The following CBLB variants were observed in gnomAD, a reference collection of about 807,000 sequenced individuals.
The protein encoded by CBLB is Cbl proto-oncogene B, also known as E3 ubiquitin-protein ligase CBL-B.
A neutral mutation model predicts 104.9 loss-of-function variants in CBLB; 31 were observed. The observed-to-expected ratio is 0.30, with a 90% confidence interval of 0.22 to 0.40. The LOEUF (loss-of-function observed/expected upper bound fraction) is 0.40. CBLB is among the 10% of genes least tolerant of loss of function. The probability of loss-of-function intolerance (pLI) is 1.00; values close to 1 mark genes in which losing one functional copy is unlikely to be tolerated. For synonymous variants in CBLB, 440 were observed against 422.6 expected, an observed-to-expected ratio of 1.04 and a Z score of -0.51; for missense variants, 1,062 against 1,214.6, an observed-to-expected ratio of 0.87 and a Z score of 1.87.
At chr3:105,840,503 G>A (rs1560483329) in intron 3 of CBLB, among the ~76,000 whole-genome samples, 1 of 152,082 alleles carries the variant, frequency 6.6e-6, no homozygotes. Flanking sequence ...TTGTTCAAAT[G>A]AGTCCTCCCG....
At chr3:105,702,494 A>AAC (rs1553727123) in intron 11 of CBLB, 35 bp from the exon 12 acceptor site, 5 of 1,476,844 alleles carry the variant, frequency 3.4e-6, no homozygotes, top group Non-Finnish European at 4.5e-6. Flanking sequence ...AAAAAAAAAA[A>AAC]AAAAACTAAA....
intron 5 of CBLB, among the ~76,000 whole-genome samples, chr3:105,746,780 A>G (rs1560066395): frequency 6.6e-6 from 1 of 152,256 alleles, no homozygotes; most frequent in African/African-American, 2.4e-5. Context: ...AAGGTTACAC[A>G]TTAACCATAA....
At chr3:105,670,459 T>A (rs1050937629) in intron 17 of CBLB, 107 bp from the exon 18 acceptor site, 2 of 923,780 alleles carry the variant, frequency 2.2e-6, no homozygotes, top group Non-Finnish European at 3.3e-6. Flanking sequence ...CAAAAATAAA[T>A]TAGAAAATTA....
chr3:105,766,083 C>CA (rs1042940646), intron 4 of CBLB, among the ~76,000 whole-genome samples: 2 of 152,108 alleles, frequency 1.3e-5, no homozygotes, highest in African/African-American at 2.4e-5. Flanking sequence ...TTCCAAATCT[C>CA]ATGGATGACT....
At chr3:105,688,549 G>C (rs2067283698) in intron 13 of CBLB, among the ~76,000 whole-genome samples, 1 of 151,952 alleles carries the variant, frequency 6.6e-6, no homozygotes, top group South Asian at 2.1e-4. Flanking sequence ...TCCTTTAATA[G>C]TATCTGAAGG....
intron 10 of CBLB, among the ~76,000 whole-genome samples, chr3:105,718,765 A>G (rs1249384142): frequency 6.6e-6 from 1 of 152,200 alleles, no homozygotes; most frequent in Admixed American, 6.5e-5. Flanking sequence ...TGCCCAAGTC[A>G]GGAGGAAGGG....
rs761379551 is a variant in CBLB, at chr3:105,670,284, C to G, written c.2638G>C (p.Val880Leu). 2 of 1,612,856 alleles carry G rather than the reference C, an allele frequency of 1.2e-6. No individual in the cohort carries two copies. Among genetic ancestry groups the G allele is most frequent in the South Asian group, 2.2e-5 (2 of 91,058 alleles). ...PPARRLPGEN[V>L]KTNRTSQDYD... ...TCCTGTGATGTTCTGTTAGTTTTGA[C>G]ATTTTCACCTGGTAACCTTCTAGCA... The change falls in exon 18 of 19, where the codon GTC becomes CTC. Residue 880 changes from valine to leucine, a missense_variant. Val to Leu is a conservative substitution (Grantham distance 32, BLOSUM62 1). Transcript: ENST00000394030.
intron 3 of CBLB, among the ~76,000 whole-genome samples, chr3:105,844,486 C>T (rs1241778317): frequency 6.6e-6 from 1 of 152,062 alleles, no homozygotes; most frequent in African/African-American, 2.4e-5. Context: ...ACAACAGAGC[C>T]TCAATCTCTC....
intron 3 of CBLB, among the ~76,000 whole-genome samples, chr3:105,851,758 T>C (rs1168742503): frequency 2.0e-5 from 3 of 152,214 alleles, no homozygotes; most frequent in African/African-American, 7.2e-5. Context: ...ATAAAGCTAT[T>C]AATGTTAAAA....
chr3:105,821,601 A>C (rs949667744), intron 3 of CBLB, among the ~76,000 whole-genome samples: 4 of 152,228 alleles, frequency 2.6e-5, no homozygotes, highest in African/African-American at 9.6e-5. Context: ...CAGAAGTGCC[A>C]GTGCCAAATG....
chr3:105,832,162 TAA>T lies in CBLB; in HGVS notation c.419+21250_419+21251del, dbSNP rs532257331. On this transcript the variant is annotated intron_variant, in intron 3 of 18. Transcript: ENST00000394030. ...ATTTGATGAAAACAGATGTGTACCA[TAA>T]AAAGATTCCCATATACAATATACGA... 1.6e-3 allele frequency among the ~76,000 whole-genome samples: 245 copies of T among 152,258 alleles called. 1 individual carries two copies. The highest frequency in any genetic ancestry group is 4.4e-3 in the African/African-American group (183 of 41,556).
rs1389560206 is a variant in CBLB, at chr3:105,662,115, G to A, written c.2690-2886C>T. 2.0e-5 allele frequency among the ~76,000 whole-genome samples: 3 copies of A among 152,154 alleles called. No individual in the cohort carries two copies. The South Asian group carries it at 6.2e-4, about 32-fold the overall frequency. ...AGCTGTTAAAAAGTGGGGAGGAGGA[G>A]ATCATTTCCACACTGACCATTAGAG... is the stretch of plus-strand genomic sequence containing the variant. On this transcript the variant is annotated intron_variant, in intron 18 of 18. Coordinates refer to ENST00000394030, the MANE Select transcript of CBLB (RefSeq NM_170662.5).
chr3:105,822,049 G>T lies in CBLB; in HGVS notation c.419+31365C>A, dbSNP rs76608196. On this transcript the variant is annotated intron_variant, in intron 3 of 18. Coordinates refer to ENST00000394030, the MANE Select transcript of CBLB (RefSeq NM_170662.5). Reference sequence around the variant, plus strand: ...TAAAAATGGAAATGTTTCATCATATGGATGTATAAGTTATTTAACCAATTG... The same window carrying T: ...TAAAAATGGAAATGTTTCATCATATTGATGTATAAGTTATTTAACCAATTG... 1.9e-3 allele frequency among the ~76,000 whole-genome samples: 291 copies of T among 152,002 alleles called. 4 individuals are homozygous for T. The East Asian group carries it at 0.039, about 20-fold the overall frequency.
At position 105,751,609 on chromosome 3, in the gene CBLB, T is replaced by G; in HGVS notation, c.576A>C (p.Val192=). 3 of 1,613,170 alleles carry G rather than the reference T, an allele frequency of 1.9e-6. No individual in the cohort carries two copies. The East Asian group carries it at 6.7e-5, about 36-fold the overall frequency. ...GGCACTGTCTGAATACTTTCCATGG[T>G]ACGATAGTTCTGTGCAAGGTGGAAA... ...WRKFFGDKTI[V]PWKVFRQCLH... The change falls in exon 5 of 19, where the codon GTA becomes GTC. Residue 192 remains valine, a synonymous_variant. Transcript: ENST00000394030.
intron 3 of CBLB, among the ~76,000 whole-genome samples, chr3:105,776,993 AGGGAG>A (rs1483531054): frequency 6.6e-6 from 1 of 152,182 alleles, no homozygotes; most frequent in Non-Finnish European, 1.5e-5. Context: ...GAGGAGAGAA[AGGGAG>A]GATGCAGAGG....
chr3:105,788,545 G>A (rs2081287644), intron 3 of CBLB, among the ~76,000 whole-genome samples: 1 of 152,210 alleles, frequency 6.6e-6, no homozygotes, highest in Non-Finnish European at 1.5e-5. Flanking sequence ...GGTTGGACAA[G>A]CTTGCTCTAA....
At position 105,655,848 on chromosome 3, in the gene CBLB, G is replaced by A. The variant is rs779935889; in HGVS notation, c.*3122C>T. On this transcript the variant is annotated 3_prime_UTR_variant, in exon 19 of 19. Coordinates refer to ENST00000394030, the MANE Select transcript of CBLB (RefSeq NM_170662.5). ...TTGAAAATCTGAGAGAAAAAATAAC[G>A]TTCGAACTGTAGGAAATGCTTCTGG... 2 of 219,690 alleles carry A rather than the reference G, an allele frequency of 9.1e-6. No homozygotes were observed. Among genetic ancestry groups the A allele is most frequent in the Admixed American group, 1.1e-4 (2 of 17,402 alleles). The allele number at this position is 219,690 out of a possible 1,614,324, so 13.6% of individuals were successfully genotyped here.
rs16851406 is a variant in CBLB, at chr3:105,659,415, A to G, written c.2690-186T>C. ...GTATTATCCTCATTTTGAACAACAG[A>G]AAATTAAGGTACAGTGTGTTGGTAG... On this transcript the variant is annotated intron_variant, in intron 18 of 18. Coordinates refer to ENST00000394030, the MANE Select transcript of CBLB (RefSeq NM_170662.5). Among the ~76,000 whole-genome samples the G allele has an allele frequency of 6.1e-3, 924 of 152,320 alleles. 28 individuals are homozygous for G. The highest frequency in any genetic ancestry group is 0.05 in the East Asian group (261 of 5,182).
At chr3:105,825,876 G>C (rs1257447426) in intron 3 of CBLB, among the ~76,000 whole-genome samples, 1 of 152,076 alleles carries the variant, frequency 6.6e-6, no homozygotes, top group Non-Finnish European at 1.5e-5. Context: ...ATGTACCAAA[G>C]ATCGACCCCA....
Sources: allele counts gnomAD v4.1 joint callset (sites outside exome capture counted in the v4.1 genomes callset), GRCh38; gene constraint gnomAD v4.1.1; transcripts MANE v1.5; gene names NCBI Gene and HGNC (gene_info 2026-07-23, HGNC 2026-07-21).